The following ROS1 variants were observed in gnomAD, a reference collection of about 807,000 sequenced individuals.
The protein encoded by ROS1 is ROS proto-oncogene 1, receptor tyrosine kinase, also known as proto-oncogene tyrosine-protein kinase ROS.
Under a neutral mutation model 273.5 loss-of-function variants are expected in ROS1, and 263 were observed. The observed-to-expected ratio is 0.96, with a 90% confidence interval of 0.87 to 1.06. The LOEUF (loss-of-function observed/expected upper bound fraction) is 1.06, where lower values mean the gene tolerates loss of function less well. Ranked by LOEUF, ROS1 falls within the 50% of genes least tolerant of loss-of-function variation. The pLI is 0.00. For missense variants in ROS1, 2,833 were observed against 2,751.1 expected (o/e 1.03, Z -0.67); for synonymous variants, 1,008 against 954.1 (o/e 1.06, Z -1.04).
At chr6:117,378,761 C>A (rs991641675) in intron 18 of ROS1, among the ~76,000 whole-genome samples, 1 of 152,038 alleles carries the variant, frequency 6.6e-6, no homozygotes, top group Non-Finnish European at 1.5e-5. Flanking sequence ...GCCTTCACTC[C>A]ATAATGTATA....
intron 13 of ROS1, 167 bp from the exon 14 acceptor site, chr6:117,388,159 G>A (rs1772750111): frequency 2.8e-6 from 3 of 1,058,256 alleles, no homozygotes; most frequent in African/African-American, 1.6e-5. Context: ...ATGAGGCTAG[G>A]ACAGTGTTCA....
intron 12 of ROS1, among the ~76,000 whole-genome samples, chr6:117,391,191 T>C (rs1773036514): frequency 6.6e-6 from 1 of 152,220 alleles, no homozygotes; most frequent in South Asian, 2.1e-4. Context: ...TTTTGAGATA[T>C]GTAGCTATGT....
intron 22 of ROS1, among the ~76,000 whole-genome samples, chr6:117,361,640 T>G (rs1779812545): frequency 6.6e-6 from 1 of 150,636 alleles, no homozygotes; most frequent in Non-Finnish European, 1.5e-5. Flanking sequence ...ACTCCTAATT[T>G]TTACCAAATA....
intron 18 of ROS1, among the ~76,000 whole-genome samples, chr6:117,378,018 T>C (rs537360572): frequency 7.9e-5 from 12 of 152,312 alleles, no homozygotes; most frequent in East Asian, 1.9e-4. Context: ...ATAATAAAGA[T>C]TGTCAAAGCC....
chr6:117,373,755 G>A (rs2128675686), intron 18 of ROS1, among the ~76,000 whole-genome samples: 1 of 152,344 alleles, frequency 6.6e-6, no homozygotes, highest in South Asian at 2.1e-4. Context: ...CAGCCTGAAG[G>A]GCTCCTCAAG....
intron 32 of ROS1, among the ~76,000 whole-genome samples, chr6:117,334,720 T>G (rs1777337222): frequency 6.6e-6 from 1 of 152,082 alleles, no homozygotes; most frequent in Admixed American, 6.5e-5. Flanking sequence ...TTGACAAACC[T>G]AACAAAAACA....
At position 117,389,840 on chromosome 6, in the gene ROS1, G is replaced by C; in HGVS notation, c.1296C>G (p.Val432=). 6.2e-7 allele frequency: 1 copy of C among 1,601,528 alleles called. No homozygotes were observed. Among genetic ancestry groups the C allele is most frequent in the Non-Finnish European group, 8.5e-7 (1 of 1,170,498 alleles). Residue 432 remains valine (V), a synonymous_variant, in exon 13 of 44, where the codon GTC becomes GTG. Coordinates refer to ENST00000368507, the MANE Select transcript of ROS1 (RefSeq NM_001378902.1). ...KIVADSYNGY[V]FYLLRDGIYR... ...AAATGCCATCTCTCAGGAGGTAAAA[G>C]ACATACCTGACACAGGAACAAAAGA...
At chr6:117,329,609 A>G (rs1323340952) in intron 32 of ROS1, among the ~76,000 whole-genome samples, 163 bp from the exon 33 acceptor site, 4 of 152,166 alleles carry the variant, frequency 2.6e-5, no homozygotes, top group Admixed American at 2.6e-4. Flanking sequence ...AGAGGTTCCT[A>G]TTGAAAAAAA....
intron 5 of ROS1, among the ~76,000 whole-genome samples, chr6:117,408,186 T>C (rs533891735): frequency 1.3e-5 from 2 of 151,846 alleles, no homozygotes; most frequent in African/African-American, 2.4e-5. Flanking sequence ...CCAAAAGCAA[T>C]GGCAACAAAA....
intron 4 of ROS1, 42 bp downstream of exon 4, chr6:117,414,477 A>G (rs185993157): frequency 1.3e-4 from 96 of 739,422 alleles, no homozygotes; most frequent in African/African-American, 9.2e-4. Context: ...AGAGATGAAG[A>G]CATGTGGCTT....
rs920447308 is a variant in ROS1 at position 117,299,006 on chromosome 6, T to G, written c.6715+1968A>C. Among the ~76,000 whole-genome samples the G allele has an allele frequency of 5.3e-5, 8 of 151,972 alleles. No individual in the cohort carries two copies. The East Asian group carries it at 1.2e-3, about 22-fold the overall frequency. On this transcript the variant is annotated intron_variant, in intron 43 of 43. Transcript: ENST00000368507. ...ATCTTCACATAGGCAAGTATATATA[T>G]AGAGAGCCCCCCAAAAGGATGGAGT...
chr6:117,291,591 G>A (rs1773842309), intron 43 of ROS1, among the ~76,000 whole-genome samples: 1 of 152,180 alleles, frequency 6.6e-6, no homozygotes, highest in Non-Finnish European at 1.5e-5. Flanking sequence ...TATTTCAGCA[G>A]TATGATTATG....
At chr6:117,320,313 A>G (rs1178276272) in intron 36 of ROS1, among the ~76,000 whole-genome samples, 1 of 152,142 alleles carries the variant, frequency 6.6e-6, no homozygotes, top group Non-Finnish European at 1.5e-5. Flanking sequence ...CTTTTATTGT[A>G]GCTTGTTGAG....
chr6:117,387,674 C>T, intron 14 of ROS1, 106 bp downstream of exon 14: 4 of 1,137,994 alleles, frequency 3.5e-6, no homozygotes, highest in South Asian at 1.5e-5. Context: ...GAGGTCAATA[C>T]ACCCTCATTC....
At chr6:117,302,184 C>A (rs1195399883) in intron 42 of ROS1, among the ~76,000 whole-genome samples, 1 of 152,174 alleles carries the variant, frequency 6.6e-6, no homozygotes, top group Admixed American at 6.5e-5. Flanking sequence ...AGAAAAGAAA[C>A]TTCATTTAGT....
Position 117,341,172 on chromosome 6 carries a change from T to A in ROS1, c.5024A>T (p.Asn1675Ile), listed in dbSNP as rs760880286. Residue 1675 changes from asparagine to isoleucine, a missense_variant, in exon 31 of 44, where the codon AAT becomes ATT. Asn to Ile is a moderately radical substitution (Grantham distance 149, BLOSUM62 -3). Transcript: ENST00000368507. Reference sequence around the variant, plus strand: ...AACCCAAAATCTGATGAGGTTAACATTCAATGGAGCCTTCCAATTAAATTG... The same window carrying A: ...AACCCAAAATCTGATGAGGTTAACAATCAATGGAGCCTTCCAATTAAATTG... ...SLQFNWKAPLNVNLIRFWVEL... is the reference protein window; with the variant it reads ...SLQFNWKAPLIVNLIRFWVEL... The A allele has an allele frequency of 3.1e-6, 5 of 1,613,084 alleles. No individual in the cohort carries two copies. In the South Asian group the frequency reaches 5.5e-5, roughly 18 times the overall value.
In ROS1 at chr6:117,366,144, A is replaced by G. The variant is rs1357348863; in HGVS notation, c.2729T>C (p.Val910Ala). 1.9e-6 allele frequency: 3 copies of G among 1,614,142 alleles called. No homozygotes were observed. Among genetic ancestry groups the G allele is most frequent in the African/African-American group, 1.3e-5 (1 of 75,042 alleles). ...AAATCTGGCTGGTTCCAAAACAGAG[A>G]CACTGGTTTTCTGACCTATTTCTTG... The part of the protein sequence containing the change: ...TTQEIGQKTS[V>A]SVLEPARFNQ... Residue 910 changes from valine to alanine, a missense_variant, in exon 19 of 44, where the codon GTC becomes GCC. By Grantham distance (64) the Val-to-Ala change is moderately conservative (BLOSUM62 0). Transcript: ENST00000368507.
intron 42 of ROS1, among the ~76,000 whole-genome samples, chr6:117,307,081 A>G (rs762726887): frequency 1.5e-4 from 23 of 152,192 alleles, no homozygotes; most frequent in Non-Finnish European, 2.6e-4. Context: ...ACTCATAATC[A>G]GGAATACTTT....
rs772804887 is a variant in ROS1 at position 117,425,625 on chromosome 6, A to G, written c.32T>C (p.Leu11Pro). Reference protein sequence around the residue: MKNIYCLIPKLVNFATLGCLW... With the variant: MKNIYCLIPKPVNFATLGCLW... ...GCAGCCAAGAGTTGCAAAATTGACA[A>G]GCTTCGGAATAAGACAGTAAATGTT... is the stretch of plus-strand genomic sequence containing the variant. Residue 11 changes from leucine (L) to proline (P), a missense_variant, in exon 1 of 44, where the codon CTT (leucine) becomes CCT (proline). By Grantham distance (98) the Leu-to-Pro change is moderately conservative. Transcript: ENST00000368507. The G allele has an allele frequency of 6.2e-7, 1 of 1,612,354 alleles. No homozygotes were observed. Among genetic ancestry groups the G allele is most frequent in the African/African-American group, 1.3e-5 (1 of 74,968 alleles).
Sources: gnomAD v4.1 joint callset for allele counts (sites outside exome capture counted in the v4.1 genomes callset) on GRCh38, gnomAD v4.1.1 for gene constraint, MANE v1.5 for transcripts, NCBI Gene and HGNC (gene_info 2026-07-23, HGNC 2026-07-21) for gene names.